The following PSD3 variants were observed in gnomAD, a reference collection of about 807,000 sequenced individuals.
PSD3 encodes the protein PH and SEC7 domain-containing protein 3.
Under a neutral mutation model 105.5 loss-of-function variants are expected in PSD3, and 49 were observed. The observed-to-expected ratio is 0.46, with a 90% confidence interval of 0.37 to 0.59. The LOEUF (loss-of-function observed/expected upper bound fraction) is 0.59, where lower values mean the gene tolerates loss of function less well. Ranked by LOEUF, PSD3 falls within the 20% of genes least tolerant of loss-of-function variation. The pLI is 0.00. For synonymous variants in PSD3, 557 were observed against 457.8 expected (o/e 1.22, Z -2.77); for missense variants, 1,561 against 1,263.8 (o/e 1.24, Z -3.57).
chr8:18,790,690 TG>T (rs1460646624), intron 8 of PSD3, among the ~76,000 whole-genome samples: 2 of 151,666 alleles, frequency 1.3e-5, no homozygotes, highest in Non-Finnish European at 2.9e-5. Flanking sequence ...GAAAGAGTAT[TG>T]GTGAAAATGA....
intron 11 of PSD3, among the ~76,000 whole-genome samples, chr8:18,612,185 G>C (rs775440331): frequency 3.7e-4 from 57 of 152,132 alleles, no homozygotes; most frequent in Admixed American, 3.9e-4. Flanking sequence ...ATATAAGCAA[G>C]ACCTTAAGTT....
At chr8:18,813,739 G>C (rs1166779602) in intron 4 of PSD3, among the ~76,000 whole-genome samples, 2 of 152,138 alleles carry the variant, frequency 1.3e-5, no homozygotes. Flanking sequence ...CCTTAGGTAG[G>C]TAAGGTCATC....
At chr8:18,705,894 A>T (rs145600745) in intron 9 of PSD3, among the ~76,000 whole-genome samples, 25 of 152,336 alleles carry the variant, frequency 1.6e-4, no homozygotes, top group African/African-American at 5.5e-4. Context: ...GATCAAGAGT[A>T]TCAAAAATAC....
At chr8:18,935,443 A>T (rs1822046239) in intron 2 of PSD3, among the ~76,000 whole-genome samples, 1 of 151,298 alleles carries the variant, frequency 6.6e-6, no homozygotes, top group African/African-American at 2.4e-5. Flanking sequence ...TGTGGGGCCG[A>T]GGCAGGAGGA....
chr8:19,037,105 G>A (rs1032501429), intron 1 of PSD3, among the ~76,000 whole-genome samples: 26 of 152,204 alleles, frequency 1.7e-4, no homozygotes, highest in African/African-American at 6.0e-4. Context: ...GCCAGGTAAC[G>A]TATTTGTGGT....
intron 8 of PSD3, among the ~76,000 whole-genome samples, chr8:18,791,231 T>A (rs1049883128): frequency 1.3e-5 from 2 of 152,126 alleles, no homozygotes; most frequent in Non-Finnish European, 2.9e-5. Flanking sequence ...AAAACTATTT[T>A]AAAATTCATA....
At chr8:18,620,019 T>C (rs190211717) in intron 11 of PSD3, among the ~76,000 whole-genome samples, 27 of 152,278 alleles carry the variant, frequency 1.8e-4, no homozygotes, top group Middle Eastern at 3.4e-3. Context: ...AGTCTGTTTC[T>C]CTGAGGGCTG....
rs554888497 is a variant in PSD3 at position 18,616,096 on chromosome 8, C to T, written c.2411-15662G>A. ...CAAGCTTTGCCTACTGATAGGTGTT[C>T]CTGGCCCTCATTACAGGGCGAGGGC... is the stretch of plus-strand genomic sequence containing the variant. On this transcript the variant is annotated intron_variant, in intron 11 of 15. Coordinates refer to ENST00000327040, the MANE Select transcript of PSD3 (RefSeq NM_015310.4). 5.9e-5 allele frequency among the ~76,000 whole-genome samples: 9 copies of T among 152,354 alleles called. No individual in the cohort carries two copies. The East Asian group carries it at 1.7e-3, about 29-fold the overall frequency.
intron 15 of PSD3, among the ~76,000 whole-genome samples, chr8:18,548,837 C>G (rs575589395): frequency 6.6e-6 from 1 of 152,258 alleles, no homozygotes; most frequent in South Asian, 2.1e-4. Context: ...GGTGAGGCAT[C>G]CCATGCAGCT....
rs1801445921 is a variant in PSD3 at position 18,699,430 on chromosome 8, G to A, written c.2173-43745C>T. Among the ~76,000 whole-genome samples, 3 of 152,314 alleles carry A rather than the reference G, an allele frequency of 2.0e-5. No homozygotes were observed. The South Asian group carries it at 6.2e-4, about 32-fold the overall frequency. On this transcript the variant is annotated intron_variant, in intron 9 of 15. Transcript: ENST00000327040. The stretch of plus-strand genomic sequence containing the variant: ...TTACTACAGTAATGTAGCCTACTCA[G>A]ATGAAGACACCTAGTCACAGTCAGG...
intron 1 of PSD3, among the ~76,000 whole-genome samples, chr8:18,937,474 C>T (rs1266477205): frequency 6.6e-6 from 1 of 152,156 alleles, no homozygotes; most frequent in Non-Finnish European, 1.5e-5. Flanking sequence ...AAATGACTGA[C>T]AATACTAGGA....
At chr8:18,680,632 T>C (rs1045912092) in intron 9 of PSD3, among the ~76,000 whole-genome samples, 1 of 152,076 alleles carries the variant, frequency 6.6e-6, no homozygotes, top group Non-Finnish European at 1.5e-5. Flanking sequence ...GATACAAACA[T>C]TATTATCGAG....
chr8:19,079,770 C>G (rs560852418), intron 1 of PSD3, among the ~76,000 whole-genome samples: 1 of 152,304 alleles, frequency 6.6e-6, no homozygotes, highest in African/African-American at 2.4e-5. Flanking sequence ...TGTCTTGCTC[C>G]TCATGGAAAT....
intron 14 of PSD3, among the ~76,000 whole-genome samples, chr8:18,567,742 C>G (rs1801882886): frequency 6.6e-6 from 1 of 152,132 alleles, no homozygotes; most frequent in Non-Finnish European, 1.5e-5. Flanking sequence ...TCCATTCATT[C>G]CCCCATCAAA....
chr8:18,826,447 A>T (rs923802072), intron 4 of PSD3, among the ~76,000 whole-genome samples: 1 of 152,230 alleles, frequency 6.6e-6, no homozygotes, highest in African/African-American at 2.4e-5. Flanking sequence ...TAACTTGCCT[A>T]GTCCAACTTA....
intron 11 of PSD3, among the ~76,000 whole-genome samples, chr8:18,619,730 T>G (rs760813602): frequency 4.6e-5 from 7 of 152,112 alleles, no homozygotes; most frequent in Non-Finnish European, 1.0e-4. Context: ...CTAAATGGAT[T>G]TTTATTAACC....
chr8:18,863,440 G>A (rs1173732090), intron 4 of PSD3, among the ~76,000 whole-genome samples: 1 of 152,128 alleles, frequency 6.6e-6, no homozygotes, highest in Admixed American at 6.5e-5. Flanking sequence ...TGGGCTACAT[G>A]GGGAGGGGAT....
intron 9 of PSD3, among the ~76,000 whole-genome samples, chr8:18,684,474 T>G (rs1486393610): frequency 1.3e-5 from 2 of 152,112 alleles, no homozygotes; most frequent in Non-Finnish European, 2.9e-5. Context: ...AAAATATGGA[T>G]GGACGTCAAA....
At position 18,801,439 on chromosome 8, in the gene PSD3, T is replaced by A. The variant is rs1306098950; in HGVS notation, c.1911-57A>T. ...ATTTTCGAAAATGCTATCACACTCT[T>A]TCATAGTTAAAAGTCAATTTATATA... On this transcript the variant is annotated intron_variant, in intron 6 of 15. Transcript: ENST00000327040. 4 of 982,706 alleles carry A rather than the reference T, an allele frequency of 4.1e-6. No individual in the cohort carries two copies. In the African/African-American group the frequency reaches 6.6e-5, roughly 16 times the overall value. 60.9% of individuals were successfully genotyped at this position (982,706 alleles called of 1,614,324 possible).
Sources: gnomAD v4.1 joint callset for allele counts (sites outside exome capture counted in the v4.1 genomes callset) on GRCh38, gnomAD v4.1.1 for gene constraint, MANE v1.5 for transcripts, NCBI Gene and HGNC (gene_info 2026-07-23, HGNC 2026-07-21) for gene names.